The following AARD variants were observed in gnomAD, a reference collection of about 807,000 sequenced individuals.
AARD encodes the protein alanine- and arginine-rich domain-containing protein.
A neutral mutation model predicts 9.3 loss-of-function variants in AARD; 9 were observed. The observed-to-expected ratio is 0.97, with a 90% confidence interval of 0.58 to 1.69. AARD has a LOEUF of 1.69. Ranked by LOEUF, AARD falls within the 40% of genes most tolerant of loss-of-function variation. AARD has a pLI of 0.00. For missense variants in AARD, 236 were observed against 210.3 expected (o/e 1.12, Z -0.76); for synonymous variants, 91 against 93.8 (o/e 0.97, Z 0.17).
At chr8:116,940,687 A>T (rs1813735517) in intron 1 of AARD, among the ~76,000 whole-genome samples, 1 of 152,192 alleles carries the variant, frequency 6.6e-6, no homozygotes, top group South Asian at 2.1e-4. Context: ...AAATTTAATT[A>T]ATTTAGAGTT....
chr8:116,941,761 T>C (rs891619453), intron 1 of AARD, among the ~76,000 whole-genome samples: 6 of 152,210 alleles, frequency 3.9e-5, no homozygotes, highest in East Asian at 1.9e-4. Context: ...GTGGTTTCTA[T>C]TGACAAGCTG....
Position 116,938,818 on chromosome 8 carries a change from C to T in AARD, c.324+251C>T, listed in dbSNP as rs1430632782. On this transcript the variant is annotated intron_variant, in intron 1 of 1. Transcript: ENST00000378279. Reference sequence around the variant, plus strand: ...TACCCAAGATGTCTCCTCCCCAACCCGTTTCTATAGTTTTCTGCCCTGTAG... The same window carrying T: ...TACCCAAGATGTCTCCTCCCCAACCTGTTTCTATAGTTTTCTGCCCTGTAG... 10 of 495,788 alleles carry T rather than the reference C, an allele frequency of 2.0e-5. 1 individual carries two copies. The South Asian group carries it at 3.1e-4, about 15-fold the overall frequency. The allele number at this position is 495,788 out of a possible 1,614,324, so 30.7% of individuals were successfully genotyped here. A position where few individuals can be genotyped will look rare whatever the true frequency, so the allele number is the denominator to read the frequency against.
chr8:116,938,235 G>A lies in AARD; in HGVS notation c.-9G>A, dbSNP rs143028476. ...AGCAGCGGTAGAGCAGTGACCAGGCGTCTCCGCGATGGGCCCCGGGGACTT... is the reference window on the plus strand; with the variant it reads ...AGCAGCGGTAGAGCAGTGACCAGGCATCTCCGCGATGGGCCCCGGGGACTT... On this transcript the variant is annotated 5_prime_UTR_variant, in exon 1 of 2. Coordinates refer to ENST00000378279, the MANE Select transcript of AARD (RefSeq NM_001025357.3). 19 of 1,578,540 alleles carry A rather than the reference G, an allele frequency of 1.2e-5. No homozygotes were observed. The Admixed American group carries it at 1.9e-4, about 16-fold the overall frequency.
In AARD at chr8:116,938,463, G is replaced by T; in HGVS notation, c.220G>T (p.Ala74Ser). The T allele has an allele frequency of 6.3e-7, 1 of 1,595,234 alleles. No homozygotes were observed. The highest frequency in any genetic ancestry group is 8.5e-7 in the Non-Finnish European group (1 of 1,172,054). ...TRAFQWAVQR[A>S]ISRRVQEAAA... ...CGCCTTCCAGTGGGCGGTGCAGCGCGCGATCTCGAGGCGCGTGCAGGAGGC... is the reference window on the plus strand; with the variant it reads ...CGCCTTCCAGTGGGCGGTGCAGCGCTCGATCTCGAGGCGCGTGCAGGAGGC... Residue 74 changes from alanine (A) to serine (S), a missense_variant, in exon 1 of 2, where the codon GCG becomes TCG. By Grantham distance (99) the Ala-to-Ser change is moderately conservative (BLOSUM62 1). Coordinates refer to ENST00000378279, the MANE Select transcript of AARD (RefSeq NM_001025357.3).
rs893182874 is a variant in AARD at position 116,943,307 on chromosome 8, C to T, written c.*606C>T. 13 of 152,266 alleles carry T rather than the reference C, an allele frequency of 8.5e-5. No individual in the cohort carries two copies. The highest frequency in any genetic ancestry group is 2.9e-4 in the African/African-American group (12 of 41,544). 9.4% of individuals were successfully genotyped at this position (152,266 alleles called of 1,614,324 possible). The stretch of plus-strand genomic sequence containing the variant: ...CAAAGAATGCTTTAATGCCAACTTT[C>T]GGTATTCAACCTTGTGTCACCTGAC... On this transcript the variant is annotated 3_prime_UTR_variant, in exon 2 of 2. Coordinates refer to ENST00000378279, the MANE Select transcript of AARD (RefSeq NM_001025357.3).
In AARD at chr8:116,942,554, T is replaced by C. The variant is rs1813755683; in HGVS notation, c.325-4T>C. 6.2e-7 allele frequency: 1 copy of C among 1,609,366 alleles called. No individual in the cohort carries two copies. Among genetic ancestry groups the C allele is most frequent in the African/African-American group, 1.3e-5 (1 of 74,778 alleles). ...TAAAATTTTTATTTTTTTCTAACTT[T>C]TAGGTGGAAATGCATTTCCAAAACC... On this transcript the variant is annotated splice_polypyrimidine_tract_variant and splice_region_variant and intron_variant, in intron 1 of 1. Transcript: ENST00000378279.
At chr8:116,938,723 G>A in intron 1 of AARD, 156 bp downstream of exon 1, 1 of 1,157,710 alleles carries the variant, frequency 8.6e-7, no homozygotes, top group Non-Finnish European at 1.1e-6. Context: ...CAGCATCGTT[G>A]GGAAGGAAAA....
chr8:116,938,956 C>T (rs1813713943), intron 1 of AARD, among the ~76,000 whole-genome samples: 1 of 152,210 alleles, frequency 6.6e-6, no homozygotes, highest in African/African-American at 2.4e-5. Flanking sequence ...TTATGCCCCG[C>T]AAGTTTTATT....
In AARD at chr8:116,942,774, G is replaced by T. The variant is rs1813760619; in HGVS notation, c.*73G>T. 7.4e-6 allele frequency: 11 copies of T among 1,485,260 alleles called. No homozygotes were observed. Among genetic ancestry groups the T allele is most frequent in the Non-Finnish European group, 9.2e-6 (10 of 1,087,300 alleles). 92.0% of individuals were successfully genotyped at this position (1,485,260 alleles called of 1,614,324 possible). A position where few individuals can be genotyped will look rare whatever the true frequency, so the allele number is the denominator to read the frequency against. ...CCAGCACTTTGGGAGGCCGAGGCGG[G>T]CGGATCAAGACGTCAGGAGATTGAG... On this transcript the variant is annotated 3_prime_UTR_variant, in exon 2 of 2. Coordinates refer to ENST00000378279, the MANE Select transcript of AARD (RefSeq NM_001025357.3).
rs763042285 is a variant in AARD at position 116,938,252 on chromosome 8, C to T, written c.9C>T (p.Pro3=). The T allele has an allele frequency of 1.3e-6, 2 of 1,598,570 alleles. No individual in the cohort carries two copies. Among genetic ancestry groups the T allele is most frequent in the East Asian group, 4.6e-5 (2 of 43,938 alleles). Residue 3 remains proline, a synonymous_variant, in exon 1 of 2, where the codon CCC becomes CCT. Coordinates refer to ENST00000378279, the MANE Select transcript of AARD (RefSeq NM_001025357.3). Reference sequence around the variant, plus strand: ...GACCAGGCGTCTCCGCGATGGGCCCCGGGGACTTCCGCCGCTGCAGAGAGA... The same window carrying T: ...GACCAGGCGTCTCCGCGATGGGCCCTGGGGACTTCCGCCGCTGCAGAGAGA... MG[P]GDFRRCRERI...
chr8:116,942,288 T>C (rs1289155558), intron 1 of AARD, among the ~76,000 whole-genome samples: 1 of 152,240 alleles, frequency 6.6e-6, no homozygotes, highest in African/African-American at 2.4e-5. Context: ...ATTTTTCATA[T>C]GGACAGCTTT....
chr8:116,938,231 A>G lies in AARD; in HGVS notation c.-13A>G. ...CAGCAGCAGCGGTAGAGCAGTGACC[A>G]GGCGTCTCCGCGATGGGCCCCGGGG... On this transcript the variant is annotated 5_prime_UTR_variant, in exon 1 of 2. Coordinates refer to ENST00000378279, the MANE Select transcript of AARD (RefSeq NM_001025357.3). The G allele has an allele frequency of 2.0e-6, 3 of 1,524,142 alleles. No homozygotes were observed. The highest frequency in any genetic ancestry group is 2.7e-6 in the Non-Finnish European group (3 of 1,128,780). The allele number at this position is 1,524,142 out of a possible 1,614,324, so 94.4% of individuals were successfully genotyped here. A position where few individuals can be genotyped will look rare whatever the true frequency, so the allele number is the denominator to read the frequency against.
At chr8:116,939,245 T>C (rs1313581324) in intron 1 of AARD, among the ~76,000 whole-genome samples, 1 of 152,226 alleles carries the variant, frequency 6.6e-6, no homozygotes, top group African/African-American at 2.4e-5. Context: ...TCTTTTGCAC[T>C]GATTACTAAT....
intron 1 of AARD, 176 bp downstream of exon 1, chr8:116,938,743 A>G (rs1225466749): frequency 1.2e-5 from 11 of 950,610 alleles, no homozygotes; most frequent in Non-Finnish European, 1.6e-5. Context: ...AGGGCCCTGC[A>G]GGACCCATGG....
rs756183223 is a variant in AARD at position 116,942,671 on chromosome 8, C to G, written c.438C>G (p.Ser146Arg). ...YELEITSDSQ[S>R]PKDDAANPE is the part of the protein sequence containing the mutation. The stretch of plus-strand genomic sequence containing the variant: ...TGGAAATTACATCAGACTCCCAAAG[C>G]CCAAAAGATGATGCTGCGAATCCGG... Residue 146 changes from serine (S) to arginine (R), a missense_variant, in exon 2 of 2, where the codon AGC (serine) becomes AGG (arginine). Coordinates refer to ENST00000378279, the MANE Select transcript of AARD (RefSeq NM_001025357.3). The G allele has an allele frequency of 6.2e-7, 1 of 1,613,794 alleles. No homozygotes were observed. Among genetic ancestry groups the G allele is most frequent in the South Asian group, 1.1e-5 (1 of 91,062 alleles).
At chr8:116,940,700 G>A (rs1813735628) in intron 1 of AARD, among the ~76,000 whole-genome samples, 1 of 152,158 alleles carries the variant, frequency 6.6e-6, no homozygotes, top group African/African-American at 2.4e-5. Flanking sequence ...TTAGAGTTGT[G>A]TTGCAATTTA....
chr8:116,943,793 GAT>G lies in AARD; in HGVS notation c.*1095_*1096del, dbSNP rs1813775541. On this transcript the variant is annotated 3_prime_UTR_variant, in exon 2 of 2. Transcript: ENST00000378279. The stretch of plus-strand genomic sequence containing the variant: ...CTTGTTTATGTACATGAAATATTCT[GAT>G]ATCCTTCTCATAAAATCTCTTTTTG... 1 of 152,110 alleles carries G rather than the reference GAT, an allele frequency of 6.6e-6. No individual in the cohort carries two copies. The highest frequency in any genetic ancestry group is 1.5e-5 in the Non-Finnish European group (1 of 68,026). 9.4% of individuals were successfully genotyped at this position (152,110 alleles called of 1,614,324 possible).
intron 1 of AARD, among the ~76,000 whole-genome samples, chr8:116,940,873 C>G (rs1813737996): frequency 6.6e-6 from 1 of 152,114 alleles, no homozygotes. Flanking sequence ...ATCAGATTCT[C>G]AGAGGGATCC....
Position 116,938,572 on chromosome 8 carries a change from G to A in AARD, c.324+5G>A. 7.1e-7 allele frequency: 1 copy of A among 1,415,324 alleles called. No homozygotes were observed. Among genetic ancestry groups the A allele is most frequent in the Non-Finnish European group, 9.1e-7 (1 of 1,095,576 alleles). 87.7% of individuals were successfully genotyped at this position (1,415,324 alleles called of 1,614,324 possible). On this transcript the variant is annotated splice_donor_5th_base_variant and intron_variant, in intron 1 of 1. Coordinates refer to ENST00000378279, the MANE Select transcript of AARD (RefSeq NM_001025357.3). ...GCCAGGCTGCGGGCGGAGCTGGTGA[G>A]AGAGCGGGCTAGGCGGACGGCTCCC...
Sources: gnomAD v4.1 joint callset for allele counts (sites outside exome capture counted in the v4.1 genomes callset) on GRCh38, gnomAD v4.1.1 for gene constraint, MANE v1.5 for transcripts, NCBI Gene and HGNC (gene_info 2026-07-23, HGNC 2026-07-21) for gene names.